The following QTMAN variants were observed in gnomAD, a reference collection of about 807,000 sequenced individuals.
QTMAN encodes the protein tRNA-queuosine alpha-mannosyltransferase.
chr2:144,167,556 G>C, the QTMAN span, among the ~76,000 whole-genome samples: 2 of 152,076 alleles, frequency 1.3e-5, no homozygotes, highest in African/African-American at 4.8e-5. Flanking sequence ...TGCTGTTCTC[G>C]TGATAATGAG....
the QTMAN span, among the ~76,000 whole-genome samples, chr2:144,327,201 A>G: frequency 6.6e-6 from 1 of 152,112 alleles, no homozygotes; most frequent in South Asian, 2.1e-4. Flanking sequence ...AGAGAGATGC[A>G]CTCAGAGATC....
chr2:144,133,421 T>TATATATA, the QTMAN span, among the ~76,000 whole-genome samples: 1,077 of 54,786 alleles, frequency 0.02, 22 homozygotes, highest in African/African-American at 0.054. Context: ...TTATATATAA[T>TATATATA]ATATATAATA....
At chr2:144,208,888 T>C in the QTMAN span, 1 of 713,286 alleles carries the variant, frequency 1.4e-6, no homozygotes, top group Non-Finnish European at 2.2e-6. Context: ...AATTTCATAC[T>C]CAGAAAATAC....
chr2:144,029,744 T>G, the QTMAN span, among the ~76,000 whole-genome samples: 1 of 152,184 alleles, frequency 6.6e-6, no homozygotes, highest in African/African-American at 2.4e-5. Flanking sequence ...CTTTCCTTTT[T>G]TTTCACTTTC....
At chr2:144,177,265 AAC>A in the QTMAN span, 1 of 664,476 alleles carries the variant, frequency 1.5e-6, no homozygotes, top group Non-Finnish European at 2.7e-6. Context: ...AAAAAAAAAA[AAC>A]ATTGTTTTTG....
the QTMAN span, among the ~76,000 whole-genome samples, chr2:143,997,012 A>T: frequency 2.0e-5 from 3 of 152,112 alleles, no homozygotes. Context: ...GAAGTTGGTA[A>T]GAGCACCTTT....
the QTMAN span, among the ~76,000 whole-genome samples, chr2:144,231,526 G>A: frequency 2.0e-5 from 3 of 152,008 alleles, no homozygotes; most frequent in Non-Finnish European, 4.4e-5. Flanking sequence ...GCTTTGCTAT[G>A]TGTTCTGAAT....
At chr2:144,319,880 GAC>G in the QTMAN span, 1 of 152,134 alleles carries the variant, frequency 6.6e-6, no homozygotes, top group African/African-American at 2.4e-5. Flanking sequence ...TATAAAATAA[GAC>G]AGTGTCACCA....
At chr2:143,978,359 C>T in the QTMAN span, among the ~76,000 whole-genome samples, 2 of 152,192 alleles carry the variant, frequency 1.3e-5, no homozygotes, top group African/African-American at 4.8e-5. Flanking sequence ...CCAGTGAGAA[C>T]CATATTCACT....
At chr2:144,273,456 G>T in the QTMAN span, among the ~76,000 whole-genome samples, 1 of 152,100 alleles carries the variant, frequency 6.6e-6, no homozygotes, top group Non-Finnish European at 1.5e-5. Context: ...CAGGAAACAA[G>T]GCTGCTGGTT....
the QTMAN span, among the ~76,000 whole-genome samples, chr2:144,217,784 A>G: frequency 1.2e-4 from 18 of 152,300 alleles, no homozygotes; most frequent in South Asian, 1.9e-3. Context: ...ACATGCCAAT[A>G]AAGGTTTGGA....
chr2:144,332,740 C>T, the QTMAN span, among the ~76,000 whole-genome samples: 1 of 152,060 alleles, frequency 6.6e-6, no homozygotes, highest in Non-Finnish European at 1.5e-5. Flanking sequence ...CTCGCACCTG[C>T]CCACTGTCCC....
At chr2:144,047,175 G>C in the QTMAN span, among the ~76,000 whole-genome samples, 2 of 152,154 alleles carry the variant, frequency 1.3e-5, no homozygotes, top group Non-Finnish European at 2.9e-5. Flanking sequence ...GGAGGCTGAG[G>C]CAGGAGAATT....
At chr2:144,280,485 T>C in the QTMAN span, among the ~76,000 whole-genome samples, 125 of 152,252 alleles carry the variant, frequency 8.2e-4, no homozygotes, top group Non-Finnish European at 1.6e-3. Context: ...GGTTTTTTTG[T>C]TGTAATTCGA....
the QTMAN span, among the ~76,000 whole-genome samples, chr2:144,041,210 GA>G: frequency 6.6e-6 from 1 of 152,138 alleles, no homozygotes; most frequent in African/African-American, 2.4e-5. Flanking sequence ...TTCAAAAGAG[GA>G]AAACTGTGAT....
chr2:144,084,064 A>G, the QTMAN span, among the ~76,000 whole-genome samples: 1 of 152,232 alleles, frequency 6.6e-6, no homozygotes, highest in African/African-American at 2.4e-5. Flanking sequence ...GTCAAAATAG[A>G]GCAGCGGGAA....
At chr2:144,050,872 A>G in the QTMAN span, among the ~76,000 whole-genome samples, 1 of 152,170 alleles carries the variant, frequency 6.6e-6, no homozygotes, top group Non-Finnish European at 1.5e-5. Flanking sequence ...AAGTCTGTAC[A>G]TGTTCAGTAC....
chr2:144,239,870 C>T, the QTMAN span, among the ~76,000 whole-genome samples: 1 of 152,142 alleles, frequency 6.6e-6, no homozygotes, highest in African/African-American at 2.4e-5. Context: ...CTCCCTAAAG[C>T]CTACCAATCT....
At chr2:143,971,298 A>G in the QTMAN span, among the ~76,000 whole-genome samples, 2 of 152,034 alleles carry the variant, frequency 1.3e-5, no homozygotes, top group African/African-American at 4.8e-5. Context: ...CCTCTCACTA[A>G]TCTCTCATTT....
Sources: allele counts gnomAD v4.1 joint callset (sites outside exome capture counted in the v4.1 genomes callset), GRCh38; gene constraint gnomAD v4.1.1; transcripts MANE v1.5; gene names NCBI Gene and HGNC (gene_info 2026-07-23, HGNC 2026-07-21).